SAMD12: variants seen among roughly 807,000 people sequenced by gnomAD.
SAMD12 encodes the protein sterile alpha motif domain-containing protein 12.
A neutral mutation model predicts 15.0 loss-of-function variants in SAMD12; 9 were observed. That is an observed-to-expected ratio of 0.60 (90% CI 0.36 to 1.05). The LOEUF is 1.05. SAMD12 is among the 50% of genes least tolerant of loss of function. SAMD12 has a pLI of 0.01. For synonymous variants in SAMD12, 86 were observed against 90.1 expected, an observed-to-expected ratio of 0.96 and a Z score of 0.25; for missense variants, 230 against 234.2, an observed-to-expected ratio of 0.98 and a Z score of 0.12.
At chr8:118,241,459 T>C (rs1203554614) in intron 4 of SAMD12, among the ~76,000 whole-genome samples, 1 of 152,190 alleles carries the variant, frequency 6.6e-6, no homozygotes, top group East Asian at 1.9e-4. Flanking sequence ...ACCAATGTAG[T>C]AAGTCAATCC....
chr8:118,397,035 G>A (rs1267828585), intron 3 of SAMD12, among the ~76,000 whole-genome samples: 9 of 152,290 alleles, frequency 5.9e-5, no homozygotes, highest in Middle Eastern at 3.4e-3. Context: ...GAGCAAGGAC[G>A]AGGAAAAAGA....
intron 2 of SAMD12, among the ~76,000 whole-genome samples, chr8:118,465,620 A>G (rs1823572393): frequency 6.6e-6 from 1 of 152,210 alleles, no homozygotes; most frequent in African/African-American, 2.4e-5. Context: ...CCTTAGGAGA[A>G]GCTATGTAAC....
intron 4 of SAMD12, among the ~76,000 whole-genome samples, chr8:118,262,497 T>G (rs1279300651): frequency 6.6e-6 from 1 of 152,046 alleles, no homozygotes; most frequent in Middle Eastern, 3.2e-3. Flanking sequence ...ACAAAGAAAC[T>G]ACAATGCAGA....
intron 3 of SAMD12, among the ~76,000 whole-genome samples, chr8:118,384,612 G>A (rs935695655): frequency 6.6e-6 from 1 of 152,172 alleles, no homozygotes; most frequent in Non-Finnish European, 1.5e-5. Context: ...CACCATTTCC[G>A]AGCAAGAAAT....
At chr8:118,252,620 C>G (rs1257872442) in intron 4 of SAMD12, among the ~76,000 whole-genome samples, 1 of 152,022 alleles carries the variant, frequency 6.6e-6, no homozygotes. Flanking sequence ...CTTTCTTACT[C>G]CCTCCCTCCT....
the SAMD12 span, among the ~76,000 whole-genome samples, chr8:118,149,836 C>T: frequency 2.6e-5 from 4 of 152,132 alleles, no homozygotes; most frequent in Non-Finnish European, 5.9e-5. Context: ...AAAAGACCAT[C>T]ATTATCAACT....
At chr8:118,389,149 T>C (rs978832374) in intron 3 of SAMD12, among the ~76,000 whole-genome samples, 2 of 152,312 alleles carry the variant, frequency 1.3e-5, no homozygotes, top group Non-Finnish European at 2.9e-5. Context: ...ATGGTGTAAG[T>C]GGGTAAGAAT....
At chr8:118,518,916 G>C (rs1397931689) in intron 2 of SAMD12, among the ~76,000 whole-genome samples, 2 of 152,130 alleles carry the variant, frequency 1.3e-5, no homozygotes, top group Non-Finnish European at 2.9e-5. Flanking sequence ...AAATACTTGT[G>C]AAAAGAAGAA....
chr8:118,535,764 C>T (rs1017015733), intron 2 of SAMD12, among the ~76,000 whole-genome samples: 1 of 152,248 alleles, frequency 6.6e-6, no homozygotes, highest in African/African-American at 2.4e-5. Context: ...AGGATATCAT[C>T]TCCTGGTGTG....
chr8:118,389,529 C>A (rs544689945), intron 3 of SAMD12, among the ~76,000 whole-genome samples: 3 of 152,206 alleles, frequency 2.0e-5, no homozygotes, highest in Admixed American at 6.5e-5. Context: ...CATGGTGAAA[C>A]CCTGTCTCTA....
intron 2 of SAMD12, among the ~76,000 whole-genome samples, chr8:118,497,727 G>GGGGT (rs1563895257): frequency 2.6e-5 from 3 of 117,594 alleles, no homozygotes; most frequent in African/African-American, 1.1e-4. Context: ...AAGTTGCGGG[G>GGGGT]GGGGGTGGGG....
intron 4 of SAMD12, among the ~76,000 whole-genome samples, chr8:118,239,584 C>A (rs1446700328): frequency 6.6e-6 from 1 of 152,060 alleles, no homozygotes; most frequent in Non-Finnish European, 1.5e-5. Context: ...TTTCTTACAC[C>A]AAAGACTTTC....
intron 4 of SAMD12, among the ~76,000 whole-genome samples, chr8:118,362,972 C>T (rs1230926291): frequency 6.6e-6 from 1 of 152,150 alleles, no homozygotes; most frequent in African/African-American, 2.4e-5. Flanking sequence ...AAACCATACA[C>T]CACATATTCC....
intron 3 of SAMD12, among the ~76,000 whole-genome samples, chr8:118,416,520 A>G (rs774332546): frequency 1.7e-4 from 26 of 152,220 alleles, no homozygotes; most frequent in Non-Finnish European, 3.4e-4. Flanking sequence ...CATCTGAAAT[A>G]ACACTTTGCT....
intron 2 of SAMD12, among the ~76,000 whole-genome samples, chr8:118,480,774 G>A (rs1273232824): frequency 1.3e-5 from 2 of 152,190 alleles, no homozygotes; most frequent in Admixed American, 6.5e-5. Context: ...GGCTGCATGT[G>A]ATGACCCTCA....
chr8:118,315,171 C>A (rs751769765), intron 4 of SAMD12, among the ~76,000 whole-genome samples: 2 of 152,174 alleles, frequency 1.3e-5, no homozygotes, highest in Non-Finnish European at 2.9e-5. Context: ...CACATGGAAC[C>A]ACTGCCATTT....
At chr8:118,187,111 C>A (rs891757519), downstream of SAMD12, among the ~76,000 whole-genome samples, 2 of 152,100 alleles carry the variant, frequency 1.3e-5, no homozygotes, top group Admixed American at 6.6e-5. Context: ...AAAAATAGAA[C>A]CCTGTCAACT....
intron 1 of SAMD12, among the ~76,000 whole-genome samples, chr8:118,596,169 C>T (rs1019740483): frequency 2.0e-5 from 3 of 152,198 alleles, no homozygotes; most frequent in African/African-American, 7.2e-5. Flanking sequence ...CAGCCAGAAG[C>T]CTGGAGTCAA....
At chr8:118,526,684 A>T (rs4563917) in intron 2 of SAMD12, among the ~76,000 whole-genome samples, 88,835 of 151,908 alleles carry the variant, frequency 0.58, 26,231 homozygotes, top group South Asian at 0.7. Context: ...GGCACAGTTA[A>T]CAGAAAGTGC....
Sources: allele counts gnomAD v4.1 joint callset (sites outside exome capture counted in the v4.1 genomes callset), GRCh38; gene constraint gnomAD v4.1.1; transcripts MANE v1.5; gene names NCBI Gene and HGNC (gene_info 2026-07-23, HGNC 2026-07-21).